Variants in PRIM1 observed in about 807,000 individuals in gnomAD.
PRIM1 encodes the protein DNA primase subunit 1.
PRIM1 carries 38 observed loss-of-function variants against 60.2 expected under a neutral mutation model. The observed-to-expected ratio is 0.63, with a 90% confidence interval of 0.49 to 0.83. The LOEUF (loss-of-function observed/expected upper bound fraction) is 0.83. Among genes scored for constraint, PRIM1 ranks in the 40% least tolerant of loss-of-function variants. The probability of loss-of-function intolerance (pLI) is 0.00; values close to 1 mark genes in which losing one functional copy is unlikely to be tolerated. For synonymous variants in PRIM1, 158 were observed against 160.2 expected (o/e 0.99, Z 0.10); for missense variants, 388 against 506.2 (o/e 0.77, Z 2.24).
chr12:56,739,168 T>C (rs907782432), intron 10 of PRIM1, 126 bp downstream of exon 10: 6 of 612,798 alleles, frequency 9.8e-6, no homozygotes, highest in Non-Finnish European at 1.3e-5. Context: ...CCTTTGAACC[T>C]TATTTGGTTT....
intron 9 of PRIM1, 88 bp downstream of exon 9, chr12:56,741,347 T>C (rs1953870913): frequency 7.6e-7 from 1 of 1,321,264 alleles, no homozygotes; most frequent in Admixed American, 2.9e-5. Context: ...TCATAGACAT[T>C]ATATATATTC....
chr12:56,748,146 T>A (rs1252415870), intron 2 of PRIM1, among the ~76,000 whole-genome samples: 3 of 152,140 alleles, frequency 2.0e-5, no homozygotes, highest in Admixed American at 6.5e-5. Context: ...CCAGAGAGCA[T>A]AAAACAGAAG....
chr12:56,739,379 G>A lies in PRIM1; in HGVS notation c.983-16C>T. On this transcript the variant is annotated splice_polypyrimidine_tract_variant and intron_variant, in intron 9 of 12. Coordinates refer to ENST00000338193, the MANE Select transcript of PRIM1 (RefSeq NM_000946.3). ...GATATGCGACCTGTAAGACACAAAA[G>A]TTATAAACTGATGATTGTGGACTAT... is the stretch of plus-strand genomic sequence containing the variant. The A allele has an allele frequency of 6.7e-7, 1 of 1,501,374 alleles. No homozygotes were observed. The highest frequency in any genetic ancestry group is 9.1e-7 in the Non-Finnish European group (1 of 1,101,272). 93.0% of individuals were successfully genotyped at this position (1,501,374 alleles called of 1,614,324 possible).
At position 56,743,033 on chromosome 12, in the gene PRIM1, G is replaced by C; in HGVS notation, c.702C>G (p.Leu234=). The part of the protein sequence containing the change: ...EEYALVNQDI[L]ENKESWDKIL... Reference sequence around the variant, plus strand: ...TCTTATCCCAGCTTTCTTTATTTTCGAGAATATCTTGATTAACCAAGGCAT... The same window carrying C: ...TCTTATCCCAGCTTTCTTTATTTTCCAGAATATCTTGATTAACCAAGGCAT... The change falls in exon 7 of 13, where the codon CTC becomes CTG. Residue 234 remains leucine, a synonymous_variant. Coordinates refer to ENST00000338193, the MANE Select transcript of PRIM1 (RefSeq NM_000946.3). The C allele has an allele frequency of 6.5e-7, 1 of 1,544,106 alleles. No homozygotes were observed. The highest frequency in any genetic ancestry group is 1.4e-5 in the African/African-American group (1 of 72,538).
chr12:56,745,663 G>A (rs997490279), intron 5 of PRIM1, among the ~76,000 whole-genome samples: 3 of 152,112 alleles, frequency 2.0e-5, no homozygotes, highest in Admixed American at 6.6e-5. Context: ...TTTTAGGCCA[G>A]TGTGGTGGCT....
At position 56,738,521 on chromosome 12, in the gene PRIM1, T is replaced by G; in HGVS notation, c.1057A>C (p.Ile353Leu). 6.3e-7 allele frequency: 1 copy of G among 1,574,902 alleles called. No homozygotes were observed. The highest frequency in any genetic ancestry group is 8.6e-7 in the Non-Finnish European group (1 of 1,158,918). Residue 353 changes from isoleucine to leucine, a missense_variant, in exon 11 of 13, where the codon ATC becomes CTC. Physicochemically the swap from Ile to Leu is conservative, Grantham distance 5. Around this residue, in one of 3 missense-constraint regions of PRIM1, gnomAD observed 211 missense variants for 277.9 expected, o/e 0.76. Coordinates refer to ENST00000338193, the MANE Select transcript of PRIM1 (RefSeq NM_000946.3). Reference sequence around the variant, plus strand: ...GAAATGGCATCCAATTCACGGCAGATGAAGCTGCAAGTAACAGAACAAGAG... The same window carrying G: ...GAAATGGCATCCAATTCACGGCAGAGGAAGCTGCAAGTAACAGAACAAGAG... The part of the protein sequence containing the change: ...DPFTVPTISF[I>L]CRELDAISTN...
chr12:56,752,302 G>C lies in PRIM1; in HGVS notation c.-4C>G. 1 of 1,567,328 alleles carries C rather than the reference G, an allele frequency of 6.4e-7. No individual in the cohort carries two copies. Among genetic ancestry groups the C allele is most frequent in the East Asian group, 2.4e-5 (1 of 42,350 alleles). On this transcript the variant is annotated 5_prime_UTR_variant, in exon 1 of 13. Coordinates refer to ENST00000338193, the MANE Select transcript of PRIM1 (RefSeq NM_000946.3). ...CGGTGGGGTCAAACGTCTCCATTGA[G>C]CGCGGAACTCGCCACGGTAAGGATT... is the stretch of plus-strand genomic sequence containing the variant.
chr12:56,742,446 G>A (rs911769553), intron 7 of PRIM1, among the ~76,000 whole-genome samples: 1 of 152,074 alleles, frequency 6.6e-6, no homozygotes, highest in Non-Finnish European at 1.5e-5. Context: ...GCGTGTGCCT[G>A]CAGTCCCAGC....
intron 5 of PRIM1, among the ~76,000 whole-genome samples, chr12:56,745,504 C>A (rs75686563): frequency 0.014 from 2,191 of 151,922 alleles, 56 homozygotes; most frequent in African/African-American, 0.05. Context: ...TATAATAAAT[C>A]TATTTTATCT....
At position 56,743,045 on chromosome 12, in the gene PRIM1, A is replaced by C; in HGVS notation, c.690T>G (p.Asn230Lys). The change falls in exon 7 of 13, where the codon AAT (asparagine) becomes AAG (lysine). Residue 230 changes from asparagine (N) to lysine (K), a missense_variant. This residue lies in a region of PRIM1 where 211 missense variants were observed against 277.9 expected (regional missense o/e 0.76). Coordinates refer to ENST00000338193, the MANE Select transcript of PRIM1 (RefSeq NM_000946.3). ...TTTCTTTATTTTCGAGAATATCTTGATTAACCAAGGCATATTCTTCAAAGT... is the reference window on the plus strand; with the variant it reads ...TTTCTTTATTTTCGAGAATATCTTGCTTAACCAAGGCATATTCTTCAAAGT... The part of the protein sequence containing the change: ...KKYFEEYALV[N>K]QDILENKESW... The C allele has an allele frequency of 1.3e-6, 2 of 1,540,034 alleles. No individual in the cohort carries two copies. The highest frequency in any genetic ancestry group is 1.7e-6 in the Non-Finnish European group (2 of 1,145,928).
At chr12:56,747,244 A>T (rs1592335442) in intron 2 of PRIM1, among the ~76,000 whole-genome samples, 1 of 152,360 alleles carries the variant, frequency 6.6e-6, no homozygotes, top group Non-Finnish European at 1.5e-5. Flanking sequence ...GGTTTAATGA[A>T]TACATATCCA....
At chr12:56,740,538 G>C (rs756479570) in intron 9 of PRIM1, among the ~76,000 whole-genome samples, 1 of 152,124 alleles carries the variant, frequency 6.6e-6, no homozygotes, top group Non-Finnish European at 1.5e-5. Flanking sequence ...CCAGCACTTT[G>C]GGAGACTGGG....
intron 2 of PRIM1, among the ~76,000 whole-genome samples, chr12:56,750,650 C>T (rs545416489): frequency 1.3e-5 from 2 of 149,616 alleles, no homozygotes; most frequent in South Asian, 2.1e-4. Flanking sequence ...AGTGCAATGG[C>T]GCGATCTTGG....
intron 4 of PRIM1, 84 bp downstream of exon 4, chr12:56,746,697 A>G: frequency 8.3e-7 from 1 of 1,205,534 alleles, no homozygotes; most frequent in South Asian, 1.3e-5. Context: ...ATTTGATCAC[A>G]AAATACAGAG....
Position 56,746,868 on chromosome 12 carries a change from A to G in PRIM1, c.369-14T>C, listed in dbSNP as rs996090724. On this transcript the variant is annotated splice_polypyrimidine_tract_variant and intron_variant, in intron 3 of 12. Transcript: ENST00000338193. ...ATGTCTGCAGAACTAAAGCAGAGTC[A>G]TCATTACTCATTGTCAGTGATACCA... 6.2e-7 allele frequency: 1 copy of G among 1,613,786 alleles called. No individual in the cohort carries two copies. Among genetic ancestry groups the G allele is most frequent in the Non-Finnish European group, 8.5e-7 (1 of 1,179,746 alleles).
At position 56,751,171 on chromosome 12, in the gene PRIM1, CG is replaced by C; in HGVS notation, c.127del (p.Arg43ValfsTer7). On this transcript the variant is annotated frameshift_variant, in exon 2 of 13. Coordinates refer to ENST00000338193, the MANE Select transcript of PRIM1 (RefSeq NM_000946.3). LOFTEE classifies it high-confidence loss of function. Reference sequence around the variant, plus strand: ...ATCTTTCAATGTGAATGAAAATTCACGGTGTTGAAAGTAATTCTTTATCACT... The same window carrying C: ...ATCTTTCAATGTGAATGAAAATTCACGTGTTGAAAGTAATTCTTTATCACT... ...GGVIKNYFQH[R>X]EFSFTLKDDI... 1 of 1,551,560 alleles carries C rather than the reference CG, an allele frequency of 6.4e-7. No individual in the cohort carries two copies. Among genetic ancestry groups the C allele is most frequent in the Non-Finnish European group, 8.7e-7 (1 of 1,147,156 alleles).
At chr12:56,749,910 T>C (rs1953934269) in intron 2 of PRIM1, among the ~76,000 whole-genome samples, 2 of 152,204 alleles carry the variant, frequency 1.3e-5, no homozygotes, top group African/African-American at 4.8e-5. Flanking sequence ...ATATTTATAG[T>C]GTACTGTCTC....
intron 1 of PRIM1, 75 bp from the exon 2 acceptor site, chr12:56,751,270 A>G (rs762034667): frequency 3.0e-5 from 35 of 1,166,074 alleles, no homozygotes; most frequent in Non-Finnish European, 4.0e-5. Flanking sequence ...TTAGCCAATG[A>G]GAAGTTTTTT....
At chr12:56,733,178 A>T (rs1417325283) in intron 12 of PRIM1, among the ~76,000 whole-genome samples, 2 of 107,138 alleles carry the variant, frequency 1.9e-5, no homozygotes, top group African/African-American at 3.8e-5. Flanking sequence ...TTTTTTTGAG[A>T]CGGAGTTTTG....
Sources: allele counts gnomAD v4.1 joint callset (sites outside exome capture counted in the v4.1 genomes callset), GRCh38; gene constraint gnomAD v4.1.1; regional missense constraint gnomAD v4.1.1; transcripts MANE v1.5; gene names NCBI Gene and HGNC (gene_info 2026-07-23, HGNC 2026-07-21).